Variants in AGO2 observed in about 807,000 individuals in gnomAD.
AGO2 encodes protein argonaute-2.
AGO2 carries 5 observed loss-of-function variants against 102.3 expected under a neutral mutation model. The ratio of observed to expected loss-of-function variants is 0.05; its 90% CI spans 0.03 to 0.10. The LOEUF is 0.10. Ranked by LOEUF, AGO2 falls within the 10% of genes least tolerant of loss-of-function variation. The pLI is 1.00. For missense variants in AGO2, 541 were observed against 1,183.7 expected (o/e 0.46, Z 7.97); for synonymous variants, 449 against 473.1 (o/e 0.95, Z 0.66).
At chr8:140,591,454 C>T (rs536811915) in intron 1 of AGO2, among the ~76,000 whole-genome samples, 2 of 152,344 alleles carry the variant, frequency 1.3e-5, no homozygotes, top group Admixed American at 6.5e-5. Flanking sequence ...CCCTAAACCA[C>T]TTGCTCCCCT....
intron 14 of AGO2, 143 bp from the exon 15 acceptor site, chr8:140,541,501 G>A: frequency 1.3e-5 from 10 of 747,826 alleles, no homozygotes; most frequent in Non-Finnish European, 1.9e-5. Flanking sequence ...TGGCTGGCTG[G>A]GTGTGAACTC....
intron 1 of AGO2, among the ~76,000 whole-genome samples, chr8:140,606,742 G>C (rs1050420382): frequency 1.3e-5 from 2 of 152,078 alleles, no homozygotes; most frequent in African/African-American, 4.8e-5. Context: ...TTGGAGACCA[G>C]CCTGACCAAC....
chr8:140,627,240 G>A (rs2074290564), intron 1 of AGO2, among the ~76,000 whole-genome samples: 1 of 152,228 alleles, frequency 6.6e-6, no homozygotes, highest in Non-Finnish European at 1.5e-5. Context: ...GCACCCTCGA[G>A]TCCTCCAACC....
rs141751496 is a variant in AGO2, at chr8:140,611,245, C to T, written c.22+24240G>A. ...TCACCACCACAGCACGTGCACAGCA[C>T]GGGGACGAAGCCAGCCTACCTTAAA... On this transcript the variant is annotated intron_variant, in intron 1 of 18. Coordinates refer to ENST00000220592, the MANE Select transcript of AGO2 (RefSeq NM_012154.5). Among the ~76,000 whole-genome samples, 8 of 152,288 alleles carry T rather than the reference C, an allele frequency of 5.3e-5. No individual in the cohort carries two copies. The East Asian group carries it at 9.6e-4, about 18-fold the overall frequency.
Position 140,560,609 on chromosome 8 carries a change from T to G in AGO2, c.519-99A>C. ...TTCGCCTGCGCCCACCACACCCTCA[T>G]CAGAGTTCCGTTTCCCCTCCTTTTA... On this transcript the variant is annotated intron_variant, in intron 4 of 18. Coordinates refer to ENST00000220592, the MANE Select transcript of AGO2 (RefSeq NM_012154.5). 5 of 1,404,498 alleles carry G rather than the reference T, an allele frequency of 3.6e-6. No individual in the cohort carries two copies. In the South Asian group the frequency reaches 6.6e-5, roughly 19 times the overall value. The allele number at this position is 1,404,498 out of a possible 1,614,324, so 87.0% of individuals were successfully genotyped here.
At chr8:140,551,701 G>A (rs1428540474) in intron 10 of AGO2, among the ~76,000 whole-genome samples, 1 of 151,250 alleles carries the variant, frequency 6.6e-6, no homozygotes, top group South Asian at 2.1e-4. Flanking sequence ...TGATGGGTCG[G>A]TGGATAGTTG....
chr8:140,585,198 C>T lies in AGO2; in HGVS notation c.136G>A (p.Glu46Lys), dbSNP rs2073634644. ...RTIKLQANFF[E>K]MDIPKIDIYH... ...ATGTCAATTTTGGGGATGTCCATTT[C>T]GAAGAAATTGGCCTGTAATTTGATT... The change falls in exon 2 of 19, where the codon GAA becomes AAA. Residue 46 changes from glutamate to lysine, a missense_variant. Around this residue, in one of 6 missense-constraint regions of AGO2, gnomAD observed 147 missense variants for 204.1 expected, o/e 0.72. Transcript: ENST00000220592. 5.6e-6 allele frequency: 9 copies of T among 1,614,130 alleles called. No individual in the cohort carries two copies. Among genetic ancestry groups the T allele is most frequent in the Non-Finnish European group, 7.6e-6 (9 of 1,180,026 alleles).
At position 140,544,300 on chromosome 8, in the gene AGO2, C is replaced by T. The variant is rs766464708; in HGVS notation, c.1752G>A (p.Pro584=). The change falls in exon 14 of 19, where the codon CCG becomes CCA. Residue 584 remains proline, a synonymous_variant. Transcript: ENST00000220592. The part of the protein sequence containing the change: ...VNNILLPQGR[P]PVFQQPVIFL... Reference sequence around the variant, plus strand: ...AGATGACGGGCTGCTGGAACACCGGCGGCCTGCGGAGAGGAGTGGCGTCAG... The same window carrying T: ...AGATGACGGGCTGCTGGAACACCGGTGGCCTGCGGAGAGGAGTGGCGTCAG... The T allele has an allele frequency of 2.9e-5, 47 of 1,600,886 alleles. No individual in the cohort carries two copies. Among genetic ancestry groups the T allele is most frequent in the South Asian group, 5.6e-5 (5 of 89,328 alleles).
At chr8:140,640,215 G>A (rs1365901475), upstream of AGO2, among the ~76,000 whole-genome samples, 1 of 152,096 alleles carries the variant, frequency 6.6e-6, no homozygotes, top group Non-Finnish European at 1.5e-5. Context: ...TCATCATGTT[G>A]GCCAGGCTTG....
chr8:140,553,561 C>T (rs1408915092), intron 10 of AGO2, among the ~76,000 whole-genome samples: 1 of 151,928 alleles, frequency 6.6e-6, no homozygotes, highest in East Asian at 1.9e-4. Context: ...AGGCATAGGC[C>T]ACCACACCCA....
Position 140,568,992 on chromosome 8 carries a change from GC to G in AGO2, c.336+3819del, listed in dbSNP as rs1036263552. Among the ~76,000 whole-genome samples, 4 of 152,176 alleles carry G rather than the reference GC, an allele frequency of 2.6e-5. No individual in the cohort carries two copies. In the South Asian group the frequency reaches 8.3e-4, roughly 32 times the overall value. ...CCCTGCCGCACACTGCCCAAGCGGA[GC>G]CCCCCATGGCTTCCTAGGCCTCTCC... On this transcript the variant is annotated intron_variant, in intron 3 of 18. Coordinates refer to ENST00000220592, the MANE Select transcript of AGO2 (RefSeq NM_012154.5).
intron 1 of AGO2, among the ~76,000 whole-genome samples, chr8:140,624,842 C>T (rs116882007): frequency 7.6e-4 from 116 of 152,330 alleles, no homozygotes; most frequent in Non-Finnish European, 1.3e-3. Flanking sequence ...CAATGAGAAA[C>T]GGGAAACGGG....
In AGO2 at chr8:140,528,299, A is replaced by C. The variant is rs963324285; in HGVS notation, c.*3745T>G. The C allele has an allele frequency of 9.9e-5, 15 of 152,248 alleles. No individual in the cohort carries two copies. The highest frequency in any genetic ancestry group is 3.6e-4 in the African/African-American group (15 of 41,470). 9.4% of individuals were successfully genotyped at this position (152,248 alleles called of 1,614,324 possible). A position where few individuals can be genotyped will look rare whatever the true frequency, so the allele number is the denominator to read the frequency against. ...TGCACTGGAATATCTGTGTCGGCCA[A>C]ACCAAACCAGAGCAGAAAGGAAAAA... On this transcript the variant is annotated 3_prime_UTR_variant, in exon 19 of 19. Transcript: ENST00000220592. This position sits in a 1 kb window ranked among gnomAD's most constrained non-coding sequence, Gnocchi z 4.5.
chr8:140,547,471 C>A lies in AGO2; in HGVS notation c.1745G>T (p.Gly582Val). The stretch of plus-strand genomic sequence containing the variant: ...AGGTAAAGGGGCCGGGCCTCACCTG[C>A]CCTGGGGCAGCAGGATGTTGTTCAC... ...GGVNNILLPQ[G>V]RPPVFQQPVI... The change falls in exon 13 of 19, where the codon GGC (glycine) becomes GTC (valine). Residue 582 changes from glycine (G) to valine (V), a missense_variant. Around this residue, in one of 6 missense-constraint regions of AGO2, gnomAD observed 309 missense variants for 735.1 expected, o/e 0.42. Transcript: ENST00000220592. 1 of 1,613,678 alleles carries A rather than the reference C, an allele frequency of 6.2e-7. No homozygotes were observed. The highest frequency in any genetic ancestry group is 1.1e-5 in the South Asian group (1 of 91,032).
chr8:140,639,020 A>G (rs914583808), upstream of AGO2, among the ~76,000 whole-genome samples: 2 of 152,124 alleles, frequency 1.3e-5, no homozygotes, highest in East Asian at 1.9e-4. Flanking sequence ...TAGGACTACA[A>G]GAGTATCCCA....
In AGO2 at chr8:140,583,939, T is replaced by C. The variant is rs370229824; in HGVS notation, c.215+1180A>G. Among the ~76,000 whole-genome samples, 11 of 147,978 alleles carry C rather than the reference T, an allele frequency of 7.4e-5. No homozygotes were observed. The East Asian group carries it at 1.9e-3, about 26-fold the overall frequency. ...TTGCTCTACTACGTTACGTGGGCTA[T>C]GATTTCAGCTCCCTTACAATCTTTT... On this transcript the variant is annotated intron_variant, in intron 2 of 18. Coordinates refer to ENST00000220592, the MANE Select transcript of AGO2 (RefSeq NM_012154.5).
intron 1 of AGO2, among the ~76,000 whole-genome samples, chr8:140,598,652 C>T (rs1021355500): frequency 3.3e-5 from 5 of 152,214 alleles, no homozygotes; most frequent in East Asian, 3.8e-4. Flanking sequence ...CAGGAGGAAG[C>T]GCGTGCTGGC....
chr8:140,628,547 G>A (rs888418232), intron 1 of AGO2, among the ~76,000 whole-genome samples: 1 of 152,212 alleles, frequency 6.6e-6, no homozygotes, highest in Non-Finnish European at 1.5e-5. Flanking sequence ...GCTCACACCT[G>A]TAATCCCAGC....
chr8:140,603,950 C>A (rs1322752288), intron 1 of AGO2, among the ~76,000 whole-genome samples: 2 of 152,252 alleles, frequency 1.3e-5, no homozygotes. Flanking sequence ...GGGACTCCTG[C>A]CTCCCGGGGA....
Sources: gnomAD v4.1 joint callset for allele counts (sites outside exome capture counted in the v4.1 genomes callset) on GRCh38, gnomAD v4.1.1 for gene constraint, gnomAD v4.1.1 regional missense constraint, Gnocchi (gnomAD v3.1) non-coding constraint, MANE v1.5 for transcripts, NCBI Gene and HGNC (gene_info 2026-07-23, HGNC 2026-07-21) for gene names.